The following NMBR variants were observed in gnomAD, a reference collection of about 807,000 sequenced individuals.
The protein encoded by NMBR is neuromedin B receptor, also known as neuromedin-B receptor.
NMBR carries 16 observed loss-of-function variants against 20.5 expected under a neutral mutation model. The observed-to-expected ratio is 0.78, with a 90% CI of 0.53 to 1.19. The LOEUF (loss-of-function observed/expected upper bound fraction) is 1.19, where lower values mean the gene tolerates loss of function less well. NMBR is among the 50% of genes most tolerant of loss of function. The pLI is 0.00. For synonymous variants in NMBR, 212 were observed against 196.6 expected (o/e 1.08, Z -0.65); for missense variants, 582 against 499.1 (o/e 1.17, Z -1.58).
rs188986451 is a variant in NMBR, at chr6:142,074,607, G to T, written c.*1041C>A. Among the ~76,000 whole-genome samples, 1 of 152,106 alleles carries T rather than the reference G, an allele frequency of 6.6e-6. No homozygotes were observed. Among genetic ancestry groups the T allele is most frequent in the African/African-American group, 2.4e-5 (1 of 41,434 alleles). On this transcript the variant is annotated 3_prime_UTR_variant, in exon 4 of 4. Transcript: ENST00000258042. ...TGTTCAGAGAAAACTGTGGTATCAT[G>T]CAGGAAAAGCAGAAAAAAATTGCCT...
In NMBR at chr6:142,126,987, G is replaced by A. The variant is rs552963514; in HGVS notation, c.-664+20057C>T. The stretch of plus-strand genomic sequence containing the variant: ...TTTATTTTGTTTTTGCTGTGCAGAA[G>A]CTTTTTAATTCAAATAACTTATCTG... On this transcript the variant is annotated intron_variant, in intron 1 of 3. Transcript: ENST00000258042. Among the ~76,000 whole-genome samples, 17 of 151,662 alleles carry A rather than the reference G, an allele frequency of 1.1e-4. No individual in the cohort carries two copies. In the South Asian group the frequency reaches 3.5e-3, roughly 32 times the overall value.
chr6:142,125,512 C>CACATATACATGTGCATACAT (rs1211570455), intron 1 of NMBR, among the ~76,000 whole-genome samples: 2 of 76,876 alleles, frequency 2.6e-5, no homozygotes, highest in African/African-American at 4.5e-5. Flanking sequence ...CATATACATA[C>CACATATACATGTGCATACAT]ATACACAATT....
chr6:142,075,788 A>G lies in NMBR; in HGVS notation c.1033T>C (p.Ser345Pro). The G allele has an allele frequency of 2.5e-6, 4 of 1,614,070 alleles. No individual in the cohort carries two copies. The highest frequency in any genetic ancestry group is 3.4e-6 in the Non-Finnish European group (4 of 1,179,958). The stretch of plus-strand genomic sequence containing the variant: ...TAGCTGGTTCCTCTCTCTTGATAGG[A>G]CTTCCTCCCACAGCAGAGTTGGCTG... Reference protein sequence around the residue: ...FNSQLCCGRKSYQERGTSYLL... With the variant: ...FNSQLCCGRKPYQERGTSYLL... The change falls in exon 4 of 4, where the codon TCC (serine) becomes CCC (proline). Residue 345 changes from serine to proline, a missense_variant. By Grantham distance (74) the Ser-to-Pro change is moderately conservative. Coordinates refer to ENST00000258042, the MANE Select transcript of NMBR (RefSeq NM_002511.4).
At chr6:142,101,585 T>A (rs1777566090) in intron 1 of NMBR, among the ~76,000 whole-genome samples, 1 of 152,158 alleles carries the variant, frequency 6.6e-6, no homozygotes, top group Non-Finnish European at 1.5e-5. Context: ...AAAACTTGGT[T>A]TGTTCTAGGA....
intron 2 of NMBR, among the ~76,000 whole-genome samples, chr6:142,084,641 G>T (rs931695127): frequency 6.6e-6 from 1 of 152,146 alleles, no homozygotes; most frequent in African/African-American, 2.4e-5. Context: ...CTAGGAATCT[G>T]TGAGAATTTT....
chr6:142,088,862 T>C lies in NMBR; in HGVS notation c.-204A>G. 1 of 498,198 alleles carries C rather than the reference T, an allele frequency of 2.0e-6. No homozygotes were observed. The allele number at this position is 498,198 out of a possible 1,614,324, so 30.9% of individuals were successfully genotyped here. A position where few individuals can be genotyped will look rare whatever the true frequency, so the allele number is the denominator to read the frequency against. ...TCCACACACTCGGGCGCTCCGCTTC[T>C]AGAGGGGGGAAATGGCTCCGGCTAA... On this transcript the variant is annotated 5_prime_UTR_variant, in exon 2 of 4. Coordinates refer to ENST00000258042, the MANE Select transcript of NMBR (RefSeq NM_002511.4).
At chr6:142,137,563 T>C (rs984512605) in intron 1 of NMBR, among the ~76,000 whole-genome samples, 1 of 152,222 alleles carries the variant, frequency 6.6e-6, no homozygotes, top group African/African-American at 2.4e-5. Flanking sequence ...AGGGCATCCC[T>C]GTCTTGTGCC....
rs561183111 is a variant in NMBR, at chr6:142,114,846, T to C, written c.-663-25525A>G. ...TTACTTTCATTATCTCTTATCATAT[T>C]CATAGCAACACTATGAACTCCATAT... On this transcript the variant is annotated intron_variant, in intron 1 of 3. Coordinates refer to ENST00000258042, the MANE Select transcript of NMBR (RefSeq NM_002511.4). 1.1e-4 allele frequency among the ~76,000 whole-genome samples: 16 copies of C among 152,224 alleles called. No individual in the cohort carries two copies. The South Asian group carries it at 1.5e-3, about 14-fold the overall frequency.
chr6:142,112,433 G>C (rs1056664977), intron 1 of NMBR, among the ~76,000 whole-genome samples: 2 of 140,406 alleles, frequency 1.4e-5, no homozygotes, highest in Non-Finnish European at 3.3e-5. Flanking sequence ...ATATTATGAA[G>C]TAGACAAGAA....
intron 1 of NMBR, among the ~76,000 whole-genome samples, chr6:142,104,263 T>C (rs891280310): frequency 6.6e-6 from 1 of 152,246 alleles, no homozygotes; most frequent in Non-Finnish European, 1.5e-5. Context: ...TTATGGTTGA[T>C]AGCACATAGC....
chr6:142,121,862 A>G (rs190537898), intron 1 of NMBR, among the ~76,000 whole-genome samples: 1 of 152,026 alleles, frequency 6.6e-6, no homozygotes, highest in Non-Finnish European at 1.5e-5. Flanking sequence ...CCAGGAATGG[A>G]GCCCAAGCTG....
chr6:142,118,131 T>C (rs1777884177), intron 1 of NMBR, among the ~76,000 whole-genome samples: 2 of 152,000 alleles, frequency 1.3e-5, no homozygotes, highest in South Asian at 4.1e-4. Context: ...AAGATGAGTA[T>C]AATTTTCCTA....
intron 1 of NMBR, among the ~76,000 whole-genome samples, chr6:142,137,548 G>A (rs1277423695): frequency 6.6e-6 from 1 of 152,168 alleles, no homozygotes; most frequent in Non-Finnish European, 1.5e-5. Flanking sequence ...TAGGAGTGGT[G>A]AGAGAGGGCA....
intron 2 of NMBR, among the ~76,000 whole-genome samples, chr6:142,080,043 G>A (rs1298091933): frequency 6.6e-6 from 1 of 152,128 alleles, no homozygotes; most frequent in African/African-American, 2.4e-5. Flanking sequence ...ATAAGATGCA[G>A]TATCACAGGA....
chr6:142,125,512 C>CACAT (rs1211570455), intron 1 of NMBR, among the ~76,000 whole-genome samples: 2 of 76,864 alleles, frequency 2.6e-5, no homozygotes, highest in Non-Finnish European at 6.4e-5. Flanking sequence ...CATATACATA[C>CACAT]ATACACAATT....
chr6:142,106,491 C>T (rs1005137984), intron 1 of NMBR, among the ~76,000 whole-genome samples: 9 of 152,170 alleles, frequency 5.9e-5, no homozygotes, highest in African/African-American at 1.9e-4. Flanking sequence ...TTTTAAGCAG[C>T]TTTATTTACT....
chr6:142,105,353 T>C (rs1021548376), intron 1 of NMBR, among the ~76,000 whole-genome samples: 5 of 152,188 alleles, frequency 3.3e-5, no homozygotes, highest in African/African-American at 1.2e-4. Flanking sequence ...ATTAATACTA[T>C]GTAAAATTTT....
chr6:142,078,030 C>T (rs546012762), intron 3 of NMBR, among the ~76,000 whole-genome samples: 1 of 151,920 alleles, frequency 6.6e-6, no homozygotes, highest in Non-Finnish European at 1.5e-5. Flanking sequence ...ACCAGCCCAC[C>T]TTTGGATTGC....
At chr6:142,125,067 A>G (rs1278187312) in intron 1 of NMBR, among the ~76,000 whole-genome samples, 1 of 151,824 alleles carries the variant, frequency 6.6e-6, no homozygotes, top group Non-Finnish European at 1.5e-5. Flanking sequence ...CAGGTCAGAG[A>G]TTTCAGAAAG....
Sources: allele counts gnomAD v4.1 joint callset (sites outside exome capture counted in the v4.1 genomes callset), GRCh38; gene constraint gnomAD v4.1.1; transcripts MANE v1.5; gene names NCBI Gene and HGNC (gene_info 2026-07-23, HGNC 2026-07-21).